The following RALGPS2 variants were observed in gnomAD, a reference collection of about 807,000 sequenced individuals.
The protein encoded by RALGPS2 is Ral GEF with PH domain and SH3 binding motif 2, also known as ras-specific guanine nucleotide-releasing factor RalGPS2.
Under a neutral mutation model 86.8 loss-of-function variants are expected in RALGPS2, and 43 were observed. That is an observed-to-expected ratio of 0.50 (90% CI 0.39 to 0.64). The LOEUF is 0.64. RALGPS2 is among the 30% of genes least tolerant of loss of function. The pLI is 0.00. For synonymous variants in RALGPS2, 243 were observed against 231.3 expected (o/e 1.05, Z -0.46); for missense variants, 536 against 694.6 (o/e 0.77, Z 2.57).
At chr1:178,897,041 A>T (rs566486618) in intron 16 of RALGPS2, among the ~76,000 whole-genome samples, 1 of 152,190 alleles carries the variant, frequency 6.6e-6, no homozygotes, top group East Asian at 1.9e-4. Context: ...CGCCACACTG[A>T]CTTCCACAAT....
chr1:178,883,760 C>T (rs879789594), intron 11 of RALGPS2, among the ~76,000 whole-genome samples: 2 of 151,940 alleles, frequency 1.3e-5, no homozygotes, highest in African/African-American at 2.4e-5. Context: ...CCGAGGCGGG[C>T]GGATCACAGG....
chr1:178,747,758 A>AAT, intron 1 of RALGPS2: 1 of 963,194 alleles, frequency 1.0e-6, no homozygotes. Flanking sequence ...TGGGCATGGC[A>AAT]GCAGGAGCGA....
Position 178,916,782 on chromosome 1 carries a change from A to T in RALGPS2, c.*423A>T, listed in dbSNP as rs990668191. 1.3e-5 allele frequency: 2 copies of T among 159,114 alleles called. No homozygotes were observed. The highest frequency in any genetic ancestry group is 4.8e-5 in the African/African-American group (2 of 41,698). The allele number at this position is 159,114 out of a possible 1,614,324, so 9.9% of individuals were successfully genotyped here. A position where few individuals can be genotyped will look rare whatever the true frequency, so the allele number is the denominator to read the frequency against. ...TAGATATGCTTTAAAAAGGAAAAAC[A>T]TACTCTTGTGGATTCCATCAGGAGC... On this transcript the variant is annotated 3_prime_UTR_variant, in exon 20 of 20. Transcript: ENST00000367635.
intron 4 of RALGPS2, among the ~76,000 whole-genome samples, chr1:178,788,798 TTC>T (rs1335573205): frequency 6.7e-6 from 1 of 150,362 alleles, no homozygotes; most frequent in Non-Finnish European, 1.5e-5. Context: ...TTCTCTTCTT[TTC>T]TTTCTTTCTT....
rs972333268 is a variant in RALGPS2 at position 178,747,699 on chromosome 1, T to C, written c.-84+22280T>C. The C allele has an allele frequency of 3.5e-6, 5 of 1,416,482 alleles. No individual in the cohort carries two copies. The Admixed American group carries it at 5.1e-5, about 14-fold the overall frequency. 87.7% of individuals were successfully genotyped at this position (1,416,482 alleles called of 1,614,324 possible). On this transcript the variant is annotated intron_variant, in intron 1 of 19. Coordinates refer to ENST00000367635, the MANE Select transcript of RALGPS2 (RefSeq NM_152663.5). ...AACTGTGATCATCAAGTACAGCAGC[T>C]GCCAGCGATGCTGAGCATCCAACTC...
In RALGPS2 at chr1:178,784,437, C is replaced by T; in HGVS notation, c.77C>T (p.Ser26Phe). The T allele has an allele frequency of 6.2e-7, 1 of 1,603,932 alleles. No individual in the cohort carries two copies. The highest frequency in any genetic ancestry group is 8.5e-7 in the Non-Finnish European group (1 of 1,173,582). ...TAACAGAAAAGTAGCAGCTCTGAAT[C>T]CTTAAGTGACAAAGGCTCTGAATTG... is the stretch of plus-strand genomic sequence containing the variant. ...TASEKSSSSE[S>F]LSDKGSELKK... Residue 26 changes from serine to phenylalanine, a missense_variant, in exon 3 of 20, where the codon TCC becomes TTC. Around this residue, in one of 3 missense-constraint regions of RALGPS2, gnomAD observed 43 missense variants for 34.9 expected, o/e 1.23. Transcript: ENST00000367635.
chr1:178,785,541 T>C lies in RALGPS2; in HGVS notation c.163-16T>C, dbSNP rs772538433. On this transcript the variant is annotated splice_polypyrimidine_tract_variant and intron_variant, in intron 3 of 19. Transcript: ENST00000367635. ...AATTCCAAAGAAGAAATTGTCATTTTTACTTTATATTTCAGGGTCAGATAA... is the reference window on the plus strand; with the variant it reads ...AATTCCAAAGAAGAAATTGTCATTTCTACTTTATATTTCAGGGTCAGATAA... 3 of 1,575,022 alleles carry C rather than the reference T, an allele frequency of 1.9e-6. No individual in the cohort carries two copies. The highest frequency in any genetic ancestry group is 2.6e-6 in the Non-Finnish European group (3 of 1,163,670).
At position 178,847,494 on chromosome 1, in the gene RALGPS2, G is replaced by A. The variant is rs527621048; in HGVS notation, c.607+13944G>A. 1.9e-4 allele frequency among the ~76,000 whole-genome samples: 29 copies of A among 152,080 alleles called. No homozygotes were observed. The South Asian group carries it at 2.1e-3, about 11-fold the overall frequency. On this transcript the variant is annotated intron_variant, in intron 8 of 19. Coordinates refer to ENST00000367635, the MANE Select transcript of RALGPS2 (RefSeq NM_152663.5). Reference sequence around the variant, plus strand: ...AAGTGAGCTAGTTTAAGATAAGATGGCCATTTTTTCAGGGCGAGGTCATAG... The same window carrying A: ...AAGTGAGCTAGTTTAAGATAAGATGACCATTTTTTCAGGGCGAGGTCATAG...
At chr1:178,836,165 T>C (rs1383585161) in intron 8 of RALGPS2, among the ~76,000 whole-genome samples, 1 of 152,124 alleles carries the variant, frequency 6.6e-6, no homozygotes, top group Non-Finnish European at 1.5e-5. Flanking sequence ...AAGAAAGCAC[T>C]AGCCAAGTTG....
At chr1:178,891,049 G>C (rs2102387921) in intron 14 of RALGPS2, among the ~76,000 whole-genome samples, 1 of 152,056 alleles carries the variant, frequency 6.6e-6, no homozygotes, top group East Asian at 1.9e-4. Flanking sequence ...TAGATTGCTT[G>C]ACTTATGACT....
intron 18 of RALGPS2, among the ~76,000 whole-genome samples, chr1:178,902,940 T>C (rs1280905150): frequency 6.6e-6 from 1 of 152,092 alleles, no homozygotes; most frequent in Non-Finnish European, 1.5e-5. Flanking sequence ...CTATTGACCA[T>C]TGGAGTTTAT....
rs147334299 is a variant in RALGPS2 at position 178,908,151 on chromosome 1, A to G, written c.1722+1284A>G. On this transcript the variant is annotated intron_variant, in intron 19 of 19. Transcript: ENST00000367635. ...CCATCTTTGTGTCTAGGTGTATTCA[A>G]TGTTTACCTCCCACTTACAAGTGAG... is the stretch of plus-strand genomic sequence containing the variant. Among the ~76,000 whole-genome samples the G allele has an allele frequency of 6.0e-3, 910 of 152,270 alleles. 15 individuals carry two copies. Among genetic ancestry groups the G allele is most frequent in the African/African-American group, 0.021 (881 of 41,544 alleles).
chr1:178,836,325 C>G (rs1217663857), intron 8 of RALGPS2, among the ~76,000 whole-genome samples: 3 of 152,210 alleles, frequency 2.0e-5, no homozygotes, highest in Non-Finnish European at 4.4e-5. Context: ...GAAAATATTA[C>G]AAGCATTGTT....
intron 2 of RALGPS2, among the ~76,000 whole-genome samples, chr1:178,779,323 A>G (rs895174007): frequency 2.0e-5 from 3 of 152,064 alleles, no homozygotes; most frequent in Non-Finnish European, 2.9e-5. Context: ...TGCTTTCCTT[A>G]ATAACTTTAG....
Position 178,792,143 on chromosome 1 carries a change from G to A in RALGPS2, c.213+6536G>A, listed in dbSNP as rs149276031. 6.9e-3 allele frequency among the ~76,000 whole-genome samples: 1,055 copies of A among 152,190 alleles called. 9 individuals carry two copies. The highest frequency in any genetic ancestry group is 0.023 in the African/African-American group (976 of 41,552). On this transcript the variant is annotated intron_variant, in intron 4 of 19. Coordinates refer to ENST00000367635, the MANE Select transcript of RALGPS2 (RefSeq NM_152663.5). The stretch of plus-strand genomic sequence containing the variant: ...ACAGGTTTTGGTACTTTATTTTCTA[G>A]TTTTTTGTGTAATGATAGAGAAGAC...
At chr1:178,844,221 A>G (rs1435465299) in intron 8 of RALGPS2, among the ~76,000 whole-genome samples, 1 of 152,174 alleles carries the variant, frequency 6.6e-6, no homozygotes, top group African/African-American at 2.4e-5. Context: ...AGAGGTTATT[A>G]TGGAAAGAAT....
At chr1:178,782,958 C>T (rs1310522237) in intron 2 of RALGPS2, among the ~76,000 whole-genome samples, 1 of 152,054 alleles carries the variant, frequency 6.6e-6, no homozygotes, top group Non-Finnish European at 1.5e-5. Context: ...CAAAAAATTA[C>T]AAGCCATGCT....
At chr1:178,753,317 A>G (rs534458262) in intron 1 of RALGPS2, among the ~76,000 whole-genome samples, 1 of 152,306 alleles carries the variant, frequency 6.6e-6, no homozygotes, top group East Asian at 1.9e-4. Flanking sequence ...TCCTACAGCC[A>G]TGATTCTCTA....
In RALGPS2 at chr1:178,917,563, G is replaced by A. The variant is rs917261535; in HGVS notation, c.*1204G>A. On this transcript the variant is annotated 3_prime_UTR_variant, in exon 20 of 20. Transcript: ENST00000367635. ...TTTTAAGTATCTAAACTTTATACTTGTATGATTTACCATAAACATACCAAA... is the reference window on the plus strand; with the variant it reads ...TTTTAAGTATCTAAACTTTATACTTATATGATTTACCATAAACATACCAAA... 6.6e-6 allele frequency: 1 copy of A among 152,048 alleles called. No homozygotes were observed. Among genetic ancestry groups the A allele is most frequent in the African/African-American group, 2.4e-5 (1 of 41,402 alleles). The allele number at this position is 152,048 out of a possible 1,614,324, so 9.4% of individuals were successfully genotyped here.
Sources: gnomAD v4.1 joint callset for allele counts (sites outside exome capture counted in the v4.1 genomes callset) on GRCh38, gnomAD v4.1.1 for gene constraint, gnomAD v4.1.1 regional missense constraint, MANE v1.5 for transcripts, NCBI Gene and HGNC (gene_info 2026-07-23, HGNC 2026-07-21) for gene names.